PIK3R1: variants seen among roughly 807,000 people sequenced by gnomAD.
PIK3R1 encodes the protein phosphoinositide-3-kinase regulatory subunit 1, also known as phosphatidylinositol 3-kinase regulatory subunit alpha.
PIK3R1 carries 29 observed loss-of-function variants against 98.0 expected under a neutral mutation model. The observed-to-expected ratio is 0.30, with a 90% CI of 0.22 to 0.40. The LOEUF (loss-of-function observed/expected upper bound fraction) is 0.40. PIK3R1 is among the 10% of genes least tolerant of loss of function. The pLI is 1.00. For synonymous variants in PIK3R1, 282 were observed against 311.8 expected, an observed-to-expected ratio of 0.90 and a Z score of 1.01; for missense variants, 596 against 872.7, an observed-to-expected ratio of 0.68 and a Z score of 3.99.
At chr5:68,293,015 T>A (rs1047586781) in intron 8 of PIK3R1, 86 bp from the exon 9 acceptor site, 31 of 1,105,730 alleles carry the variant, frequency 2.8e-5, no homozygotes, top group Non-Finnish European at 1.2e-5. Context: ...AACCTAAAAC[T>A]GCTCTAAAAA....
rs1255626836 is a variant in PIK3R1, at chr5:68,226,323, C to T, written c.-353C>T. On this transcript the variant is annotated 5_prime_UTR_variant, in exon 2 of 16. Transcript: ENST00000521381. ...CGTGTGTGGAGTGCCACGGTACAAT[C>T]AGACGACAGATGGACAGTGTGACAA... 2.4e-6 allele frequency: 1 copy of T among 423,286 alleles called. No homozygotes were observed. Among genetic ancestry groups the T allele is most frequent in the Non-Finnish European group, 4.2e-6 (1 of 239,772 alleles). 26.2% of individuals were successfully genotyped at this position (423,286 alleles called of 1,614,324 possible). A position where few individuals can be genotyped will look rare whatever the true frequency, so the allele number is the denominator to read the frequency against.
intron 2 of PIK3R1, among the ~76,000 whole-genome samples, chr5:68,242,257 G>T (rs1394676407): frequency 6.6e-6 from 1 of 152,226 alleles, no homozygotes; most frequent in Non-Finnish European, 1.5e-5. Flanking sequence ...GAAAGAAACA[G>T]CTCTGACTTA....
intron 6 of PIK3R1, 31 bp downstream of exon 6, chr5:68,280,760 G>C (rs756991084): frequency 5.7e-6 from 9 of 1,574,166 alleles, no homozygotes; most frequent in African/African-American, 2.7e-5. Flanking sequence ...ATGTATTTTG[G>C]GGTGATGAGG....
At chr5:68,239,505 T>A (rs1744794069) in intron 2 of PIK3R1, among the ~76,000 whole-genome samples, 1 of 152,214 alleles carries the variant, frequency 6.6e-6, no homozygotes, top group Non-Finnish European at 1.5e-5. Flanking sequence ...TCCATTGACT[T>A]GTTACTTTTC....
Position 68,258,562 on chromosome 5 carries a change from T to G in PIK3R1, c.335-14828T>G, listed in dbSNP as rs1580211765. ...TATTGCAGCTCATAATGTCAAGATG[T>G]GAACCTAAGCAGGCCTTAGGTTTTC... On this transcript the variant is annotated intron_variant, in intron 2 of 15. Transcript: ENST00000521381. Among the ~76,000 whole-genome samples, 3 of 152,240 alleles carry G rather than the reference T, an allele frequency of 2.0e-5. No individual in the cohort carries two copies. In the East Asian group the frequency reaches 5.8e-4, roughly 29 times the overall value.
At chr5:68,246,405 C>T (rs1017894294) in intron 2 of PIK3R1, among the ~76,000 whole-genome samples, 2 of 151,764 alleles carry the variant, frequency 1.3e-5, no homozygotes, top group Non-Finnish European at 2.9e-5. Flanking sequence ...TTCTGCCTCC[C>T]GGGCCCAAGC....
chr5:68,222,431 G>C (rs778443497), intron 1 of PIK3R1, among the ~76,000 whole-genome samples: 5 of 139,900 alleles, frequency 3.6e-5, no homozygotes, highest in Non-Finnish European at 7.6e-5. Flanking sequence ...AGGGGCCTGG[G>C]ATAGTGGCAG....
intron 2 of PIK3R1, among the ~76,000 whole-genome samples, chr5:68,263,877 G>T (rs1189433401): frequency 6.6e-6 from 1 of 151,794 alleles, no homozygotes; most frequent in African/African-American, 2.4e-5. Context: ...CTCCCTTTTT[G>T]ATCATGGATG....
chr5:68,242,845 A>T (rs1195920850), intron 2 of PIK3R1, among the ~76,000 whole-genome samples: 1 of 152,178 alleles, frequency 6.6e-6, no homozygotes, highest in African/African-American at 2.4e-5. Flanking sequence ...GTTTGTATTT[A>T]GTCAAGTTGG....
At chr5:68,262,572 C>G (rs114339573) in intron 2 of PIK3R1, among the ~76,000 whole-genome samples, 4 of 139,354 alleles carry the variant, frequency 2.9e-5, no homozygotes, top group African/African-American at 5.5e-5. Context: ...TACACATGTA[C>G]CTACATGTAT....
Position 68,292,172 on chromosome 5 carries a change from A to G in PIK3R1, c.917-87A>G, listed in dbSNP as rs3730088. ...TATATTTCAGTTACTCTAACTTTTTATTTTTTTAAAGTAAAAGTATTCATC... is the reference window on the plus strand; with the variant it reads ...TATATTTCAGTTACTCTAACTTTTTGTTTTTTTAAAGTAAAAGTATTCATC... On this transcript the variant is annotated intron_variant, in intron 7 of 15. Transcript: ENST00000521381. The G allele has an allele frequency of 0.1, 76,167 of 747,720 alleles. 4,626 individuals carry two copies. The highest frequency in any genetic ancestry group is 0.17 in the African/African-American group (9,691 of 55,868). 46.3% of individuals were successfully genotyped at this position (747,720 alleles called of 1,614,324 possible). A position where few individuals can be genotyped will look rare whatever the true frequency, so the allele number is the denominator to read the frequency against.
rs1218894358 is a variant in PIK3R1 at position 68,265,498 on chromosome 5, C to T, written c.335-7892C>T. Among the ~76,000 whole-genome samples, 2 of 152,166 alleles carry T rather than the reference C, an allele frequency of 1.3e-5. 1 individual carries two copies. The highest frequency in any genetic ancestry group is 3.9e-4 in the East Asian group (2 of 5,182). The stretch of plus-strand genomic sequence containing the variant: ...GAGGGCCTTCTCCCTAGCCTCCAGG[C>T]TGCCACCTTGTCACTGTGATCTCAC... On this transcript the variant is annotated intron_variant, in intron 2 of 15. Coordinates refer to ENST00000521381, the MANE Select transcript of PIK3R1 (RefSeq NM_181523.3).
chr5:68,233,735 T>G (rs1744564921), intron 2 of PIK3R1, among the ~76,000 whole-genome samples: 1 of 152,242 alleles, frequency 6.6e-6, no homozygotes, highest in Non-Finnish European at 1.5e-5. Flanking sequence ...TAACATAGTG[T>G]ATACATTGTT....
rs542419284 is a variant in PIK3R1 at position 68,276,309 on chromosome 5, C to A, written c.502+2296C>A. Among the ~76,000 whole-genome samples, 77 of 152,324 alleles carry A rather than the reference C, an allele frequency of 5.1e-4. 2 individuals carry two copies. The highest frequency in any genetic ancestry group is 1.8e-3 in the African/African-American group (74 of 41,560). ...ATCCCTAACCTCTACCCATGAGGTG[C>A]CAGCAGCATTCTCCCCCAGTTGTGA... On this transcript the variant is annotated intron_variant, in intron 4 of 15. Coordinates refer to ENST00000521381, the MANE Select transcript of PIK3R1 (RefSeq NM_181523.3).
intron 2 of PIK3R1, among the ~76,000 whole-genome samples, chr5:68,231,386 C>T (rs1034830961): frequency 2.0e-5 from 3 of 152,244 alleles, no homozygotes; most frequent in Non-Finnish European, 4.4e-5. Flanking sequence ...AGACATAAAG[C>T]ATGCATTTGA....
chr5:68,262,715 GCATGTATACATATATA>G lies in PIK3R1; in HGVS notation c.335-10668_335-10653del, dbSNP rs1561278411. On this transcript the variant is annotated intron_variant, in intron 2 of 15. Coordinates refer to ENST00000521381, the MANE Select transcript of PIK3R1 (RefSeq NM_181523.3). ...TATACACATGTAGATGCATGTAGATGCATGTATACATATATACATGTAGATGCATGTAGATACATGT... is the reference window on the plus strand; with the variant it reads ...TATACACATGTAGATGCATGTAGATGCATGTAGATGCATGTAGATACATGT... Among the ~76,000 whole-genome samples the G allele has an allele frequency of 3.0e-3, 50 of 16,822 alleles. 1 individual carries two copies. Among genetic ancestry groups the G allele is most frequent in the African/African-American group, 0.022 (49 of 2,192 alleles). The allele number at this position is 16,822 out of a possible 152,430, so 11.0% of individuals were successfully genotyped here.
At chr5:68,291,114 G>A (rs1747363895) in intron 7 of PIK3R1, 1 of 323,322 alleles carries the variant, frequency 3.1e-6, no homozygotes, top group Admixed American at 4.8e-5. Context: ...ATCCTTCCCT[G>A]GGTGAGTTAT....
At chr5:68,232,183 T>A (rs568495689) in intron 2 of PIK3R1, among the ~76,000 whole-genome samples, 1 of 152,218 alleles carries the variant, frequency 6.6e-6, no homozygotes, top group Non-Finnish European at 1.5e-5. Context: ...AATATGTCAT[T>A]TGCATATTAA....
intron 2 of PIK3R1, among the ~76,000 whole-genome samples, chr5:68,270,335 TTTG>T (rs1263350685): frequency 6.6e-6 from 1 of 152,180 alleles, no homozygotes; most frequent in East Asian, 1.9e-4. Flanking sequence ...TGGAAATCCT[TTTG>T]TATGGAGCAT....
Sources: allele counts gnomAD v4.1 joint callset (sites outside exome capture counted in the v4.1 genomes callset), GRCh38; gene constraint gnomAD v4.1.1; transcripts MANE v1.5; gene names NCBI Gene and HGNC (gene_info 2026-07-23, HGNC 2026-07-21).